ZNF594: variants seen among roughly 807,000 people sequenced by gnomAD.
The protein encoded by ZNF594 is zinc finger protein 594, also known as zinc finger protein HZF18.
For missense variants in ZNF594, 1,037 were observed against 964.6 expected (o/e 1.08, Z -0.99); for synonymous variants, 336 against 309.4 (o/e 1.09, Z -0.90).
At position 5,181,053 on chromosome 17, in the gene ZNF594, C is replaced by T; in HGVS notation, c.*780G>A. On this transcript the variant is annotated 3_prime_UTR_variant, in exon 2 of 2. Transcript: ENST00000575779. The stretch of plus-strand genomic sequence containing the variant: ...CCCACTGAAGGCCTTACCACAGTTG[C>T]TACATTCAAAGGGTTTCTCTCTGGT... 1 of 1,197,034 alleles carries T rather than the reference C, an allele frequency of 8.4e-7. No homozygotes were observed. The highest frequency in any genetic ancestry group is 1.2e-6 in the Non-Finnish European group (1 of 815,468). 74.2% of individuals were successfully genotyped at this position (1,197,034 alleles called of 1,614,324 possible). A position where few individuals can be genotyped will look rare whatever the true frequency, so the allele number is the denominator to read the frequency against.
In ZNF594 at chr17:5,180,391, G is replaced by A. The variant is rs2074331053; in HGVS notation, c.*1442C>T. ...GGCCTACACTCATTACTTTCACAGG[G>A]TTTTTTCCCACATTTAAACTTGTCA... is the stretch of plus-strand genomic sequence containing the variant. On this transcript the variant is annotated 3_prime_UTR_variant, in exon 2 of 2. Transcript: ENST00000575779. 1 of 154,180 alleles carries A rather than the reference G, an allele frequency of 6.5e-6. No individual in the cohort carries two copies. The highest frequency in any genetic ancestry group is 2.4e-5 in the African/African-American group (1 of 41,418). 9.6% of individuals were successfully genotyped at this position (154,180 alleles called of 1,614,324 possible).
intron 1 of ZNF594, among the ~76,000 whole-genome samples, chr17:5,188,191 CATAT>C (rs200954627): frequency 7.0e-6 from 1 of 142,320 alleles, no homozygotes; most frequent in African/African-American, 2.6e-5. Flanking sequence ...GTTCGATATA[CATAT>C]ATATATAGAG....
At chr17:5,187,151 G>C (rs2074391123) in intron 1 of ZNF594, among the ~76,000 whole-genome samples, 1 of 152,196 alleles carries the variant, frequency 6.6e-6, no homozygotes, top group Non-Finnish European at 1.5e-5. Flanking sequence ...GGAAGAAAAA[G>C]AGGTTTAATT....
intron 1 of ZNF594, chr17:5,191,307 T>C (rs376349111): frequency 2.0e-4 from 30 of 152,210 alleles, no homozygotes; most frequent in African/African-American, 7.2e-4. Flanking sequence ...ACAGTCCTAA[T>C]ATTTTAGACT....
At chr17:5,178,694 A>C (rs548753666), downstream of ZNF594, among the ~76,000 whole-genome samples, 24 of 152,344 alleles carry the variant, frequency 1.6e-4, no homozygotes, top group African/African-American at 5.0e-4. Context: ...GTACATAAGT[A>C]CATGAAAAAC....
chr17:5,181,433 C>T lies in ZNF594; in HGVS notation c.*400G>A, dbSNP rs774166255. On this transcript the variant is annotated 3_prime_UTR_variant, in exon 2 of 2. Coordinates refer to ENST00000575779, the MANE Select transcript of ZNF594 (RefSeq NM_032530.2). ...CTTCTTGGTGAATTTTCTGCTCTCC[C>T]CTAAGCTCCTCATCCTTGCTGAAGG... The T allele has an allele frequency of 9.3e-6, 15 of 1,613,520 alleles. No homozygotes were observed. Among genetic ancestry groups the T allele is most frequent in the Middle Eastern group, 1.6e-4 (1 of 6,082 alleles).
At position 5,183,357 on chromosome 17, in the gene ZNF594, ACATT is replaced by A. The variant is rs769772640; in HGVS notation, c.896_899del (p.Glu299ValfsTer97). The A allele has an allele frequency of 8.7e-6, 14 of 1,613,700 alleles. No homozygotes were observed. Among genetic ancestry groups the A allele is most frequent in the Non-Finnish European group, 1.0e-5 (12 of 1,180,020 alleles). ...GAGAATGCTGCCTGAAGGCTTTTTC[ACATT>A]CATTACATTTGAGGGGTTTCTCTCC... On this transcript the variant is annotated frameshift_variant, in exon 2 of 2. Coordinates refer to ENST00000575779, the MANE Select transcript of ZNF594 (RefSeq NM_032530.2). LOFTEE classifies it low-confidence loss of function (END_TRUNC).
At chr17:5,174,379 T>G in the ZNF594 span, 2 of 190,860 alleles carry the variant, frequency 1.0e-5, no homozygotes, top group African/African-American at 2.3e-5. Context: ...AGGTAGTAAT[T>G]ACCAATGTAA....
downstream of ZNF594, among the ~76,000 whole-genome samples, chr17:5,175,501 C>T (rs2074301190): frequency 1.3e-5 from 2 of 152,062 alleles, no homozygotes. Flanking sequence ...GGTTGGCAAC[C>T]ACTGATGTAG....
chr17:5,177,726 C>T (rs370420646), downstream of ZNF594, among the ~76,000 whole-genome samples: 1 of 152,264 alleles, frequency 6.6e-6, no homozygotes, highest in South Asian at 2.1e-4. Context: ...ACTCCAGCTA[C>T]TCAGGAGGCT....
At position 5,181,276 on chromosome 17, in the gene ZNF594, A is replaced by C; in HGVS notation, c.*557T>G. 1 of 1,612,614 alleles carries C rather than the reference A, an allele frequency of 6.2e-7. No individual in the cohort carries two copies. Among genetic ancestry groups the C allele is most frequent in the East Asian group, 2.2e-5 (1 of 44,868 alleles). On this transcript the variant is annotated 3_prime_UTR_variant, in exon 2 of 2. Coordinates refer to ENST00000575779, the MANE Select transcript of ZNF594 (RefSeq NM_032530.2). ...ATTCTATGATGTCTCAGAAGGTCTG[A>C]GCTCTGATTGAAAGTTTTCCCACAT...
At chr17:5,179,404 G>T, downstream of ZNF594, 1 of 167,764 alleles carries the variant, frequency 6.0e-6, no homozygotes, top group South Asian at 1.9e-4. Context: ...GACCCTGGCC[G>T]GAGCCAACCT....
chr17:5,185,497 G>A (rs895761319), intron 1 of ZNF594, among the ~76,000 whole-genome samples: 2 of 152,168 alleles, frequency 1.3e-5, no homozygotes, highest in African/African-American at 4.8e-5. Context: ...TGAGACTTGA[G>A]TGGGGACACA....
chr17:5,177,693 C>T (rs577020674), downstream of ZNF594, among the ~76,000 whole-genome samples: 13 of 152,058 alleles, frequency 8.5e-5, no homozygotes, highest in South Asian at 1.0e-3. Flanking sequence ...AAAAATTAGC[C>T]GGGGTGGTGG....
At position 5,182,589 on chromosome 17, in the gene ZNF594, C is replaced by A. The variant is rs116584790; in HGVS notation, c.1668G>T (p.Arg556Ser). The A allele has an allele frequency of 1.2e-6, 2 of 1,613,358 alleles. No individual in the cohort carries two copies. Among genetic ancestry groups the A allele is most frequent in the Admixed American group, 3.3e-5 (2 of 59,976 alleles). The change falls in exon 2 of 2, where the codon AGG (arginine) becomes AGT (serine). Residue 556 changes from arginine (R) to serine (S), a missense_variant. Coordinates refer to ENST00000575779, the MANE Select transcript of ZNF594 (RefSeq NM_032530.2). ...EKTFSQDEEL[R>S]GEQKIHQEAK... Reference sequence around the variant, plus strand: ...CTTCCTGGTGAATTTTCTGCTCTCCCCTAAGCTCCTCATCCTGGCTGAAGG... The same window carrying A: ...CTTCCTGGTGAATTTTCTGCTCTCCACTAAGCTCCTCATCCTGGCTGAAGG...
rs2074354069 is a variant in ZNF594 at position 5,182,712 on chromosome 17, G to C, written c.1545C>G (p.Pro515=). Residue 515 remains proline, a synonymous_variant, in exon 2 of 2, where the codon CCC becomes CCG. Coordinates refer to ENST00000575779, the MANE Select transcript of ZNF594 (RefSeq NM_032530.2). ...QHRRIHSGEK[P]YECKECGKLF... The stretch of plus-strand genomic sequence containing the variant: ...GCTTCCCACATTCCTTACATTCATA[G>C]GGTTTCTCACCACTATGAATTCTCC... 10 of 1,613,898 alleles carry C rather than the reference G, an allele frequency of 6.2e-6. No individual in the cohort carries two copies. Among genetic ancestry groups the C allele is most frequent in the Non-Finnish European group, 8.5e-6 (10 of 1,179,978 alleles).
rs2074326149 is a variant in ZNF594, at chr17:5,179,794, C to A, written c.*2039G>T. ...TTTGCTTTGGGCTGGAATTTTAGTA[C>A]CTAGGTCTGCCTACATGGTGCCAGT... On this transcript the variant is annotated 3_prime_UTR_variant, in exon 2 of 2. Coordinates refer to ENST00000575779, the MANE Select transcript of ZNF594 (RefSeq NM_032530.2). The A allele has an allele frequency of 6.6e-6, 1 of 152,016 alleles. No homozygotes were observed. Among genetic ancestry groups the A allele is most frequent in the East Asian group, 1.9e-4 (1 of 5,170 alleles). The allele number at this position is 152,016 out of a possible 1,614,324, so 9.4% of individuals were successfully genotyped here.
In ZNF594 at chr17:5,180,696, A is replaced by T. The variant is rs1163662373; in HGVS notation, c.*1137T>A. ...TATGTTAAAAAATAAATAATTTAAA[A>T]AATTGTATCGTTGGGACCATATTCT... On this transcript the variant is annotated 3_prime_UTR_variant, in exon 2 of 2. Transcript: ENST00000575779. 2 of 242,894 alleles carry T rather than the reference A, an allele frequency of 8.2e-6. No individual in the cohort carries two copies. The highest frequency in any genetic ancestry group is 1.6e-5 in the Non-Finnish European group (2 of 122,950). 15.0% of individuals were successfully genotyped at this position (242,894 alleles called of 1,614,324 possible).
chr17:5,181,098 A>G lies in ZNF594; in HGVS notation c.*735T>C, dbSNP rs544713133. 5.4e-6 allele frequency: 8 copies of G among 1,477,260 alleles called. No homozygotes were observed. In the African/African-American group the frequency reaches 5.5e-5, roughly 10 times the overall value. 91.5% of individuals were successfully genotyped at this position (1,477,260 alleles called of 1,614,324 possible). A position where few individuals can be genotyped will look rare whatever the true frequency, so the allele number is the denominator to read the frequency against. On this transcript the variant is annotated 3_prime_UTR_variant, in exon 2 of 2. Transcript: ENST00000575779. ...TCTGGTATGAATTCTTTGATGACTG[A>G]CAAGGTGTGAGTTCTGACTGAAGGC...
Sources: gnomAD v4.1 joint callset for allele counts (sites outside exome capture counted in the v4.1 genomes callset) on GRCh38, gnomAD v4.1.1 for gene constraint, MANE v1.5 for transcripts, NCBI Gene and HGNC (gene_info 2026-07-23, HGNC 2026-07-21) for gene names.